The following MACROD2 variants were observed in gnomAD, a reference collection of about 807,000 sequenced individuals.
MACROD2 encodes the protein mono-ADP ribosylhydrolase 2, also known as ADP-ribose glycohydrolase MACROD2.
Under a neutral mutation model 70.4 loss-of-function variants are expected in MACROD2, and 36 were observed. The observed-to-expected ratio is 0.51, with a 90% CI of 0.39 to 0.68. The LOEUF (loss-of-function observed/expected upper bound fraction) is 0.68, where lower values mean the gene tolerates loss of function less well. Ranked by LOEUF, MACROD2 falls within the 30% of genes least tolerant of loss-of-function variation. The probability of loss-of-function intolerance (pLI) is 0.00; values close to 1 mark genes in which losing one functional copy is unlikely to be tolerated. For synonymous variants in MACROD2, 172 were observed against 178.8 expected, an observed-to-expected ratio of 0.96 and a Z score of 0.30; for missense variants, 496 against 538.4, an observed-to-expected ratio of 0.92 and a Z score of 0.78.
chr20:14,539,260 G>A (rs2085402789), intron 4 of MACROD2, among the ~76,000 whole-genome samples: 2 of 152,138 alleles, frequency 1.3e-5, no homozygotes, highest in Middle Eastern at 3.2e-3. Flanking sequence ...AAAAGGCATA[G>A]CAGTTGTTTC....
chr20:14,864,953 G>A (rs190364751), intron 5 of MACROD2, among the ~76,000 whole-genome samples: 47 of 152,200 alleles, frequency 3.1e-4, no homozygotes, highest in African/African-American at 1.1e-3. Context: ...TGACTCCAGA[G>A]TCACATAATA....
chr20:14,066,511 CAGAGT>C (rs1410504534), intron 2 of MACROD2, among the ~76,000 whole-genome samples: 4 of 152,074 alleles, frequency 2.6e-5, no homozygotes, highest in Non-Finnish European at 2.9e-5. Flanking sequence ...ATTTTTGTGT[CAGAGT>C]AGAGACAAAC....
At chr20:14,250,327 C>T (rs541544379) in intron 3 of MACROD2, among the ~76,000 whole-genome samples, 5 of 152,128 alleles carry the variant, frequency 3.3e-5, no homozygotes, top group African/African-American at 1.2e-4. Flanking sequence ...CACCTCCCCA[C>T]CCCCAGCCTG....
Position 15,583,070 on chromosome 20 carries a change from G to T in MACROD2, c.645+83223G>T, listed in dbSNP as rs934737396. On this transcript the variant is annotated intron_variant, in intron 8 of 17. Coordinates refer to ENST00000684519, the MANE Select transcript of MACROD2 (RefSeq NM_001351661.2). ...GAGAAAAAAAAAATAAGTGCAGTGT[G>T]GTCTACCGGTTTGTGTCGATGCTAT... Among the ~76,000 whole-genome samples the T allele has an allele frequency of 9.2e-5, 14 of 152,016 alleles. No homozygotes were observed. In the East Asian group the frequency reaches 1.2e-3, roughly 13 times the overall value.
At chr20:15,338,801 A>G (rs1265841960) in intron 6 of MACROD2, among the ~76,000 whole-genome samples, 2 of 151,766 alleles carry the variant, frequency 1.3e-5, no homozygotes, top group Non-Finnish European at 2.9e-5. Context: ...GGTGCATTAT[A>G]CAAGTAGGTA....
chr20:15,815,144 G>C (rs1385496688), intron 8 of MACROD2, among the ~76,000 whole-genome samples: 2 of 152,190 alleles, frequency 1.3e-5, no homozygotes, highest in African/African-American at 2.4e-5. Flanking sequence ...TTGGCTTCAA[G>C]TGCTGGACAT....
chr20:15,235,605 G>A (rs892436509), intron 6 of MACROD2, among the ~76,000 whole-genome samples: 7 of 152,198 alleles, frequency 4.6e-5, no homozygotes, highest in South Asian at 2.1e-4. Context: ...ATTTTAAGGC[G>A]TAGTCAAGTG....
At chr20:14,062,956 T>G (rs2053707228) in intron 2 of MACROD2, among the ~76,000 whole-genome samples, 1 of 152,200 alleles carries the variant, frequency 6.6e-6, no homozygotes, top group Non-Finnish European at 1.5e-5. Context: ...AAGCCACATT[T>G]GTTTGTTTTT....
chr20:14,563,711 C>A (rs1979591784), intron 4 of MACROD2, among the ~76,000 whole-genome samples: 1 of 151,790 alleles, frequency 6.6e-6, no homozygotes, highest in African/African-American at 2.4e-5. Context: ...AGTTCTATTT[C>A]TTTTCAAATA....
At chr20:15,787,527 A>G (rs1330515817) in intron 8 of MACROD2, among the ~76,000 whole-genome samples, 2 of 151,922 alleles carry the variant, frequency 1.3e-5, no homozygotes, top group Non-Finnish European at 2.9e-5. Flanking sequence ...TGTGTACCCA[A>G]TGTTTAGCTC....
At chr20:14,028,946 G>A (rs2148630333) in intron 2 of MACROD2, among the ~76,000 whole-genome samples, 1 of 152,326 alleles carries the variant, frequency 6.6e-6, no homozygotes, top group Middle Eastern at 3.4e-3. Context: ...AGTTAGGAAA[G>A]TTGATGATAT....
chr20:14,230,669 C>CCATATATATA lies in MACROD2; in HGVS notation c.271+144941_271+144942insCATATATATA, dbSNP rs1388842581. Among the ~76,000 whole-genome samples, 109 of 92,900 alleles carry CCATATATATA rather than the reference C, an allele frequency of 1.2e-3. 12 individuals carry two copies. In the South Asian group the frequency reaches 0.014, roughly 12 times the overall value. The allele number at this position is 92,900 out of a possible 152,430, so 60.9% of individuals were successfully genotyped here. A position where few individuals can be genotyped will look rare whatever the true frequency, so the allele number is the denominator to read the frequency against. On this transcript the variant is annotated intron_variant, in intron 3 of 17. Transcript: ENST00000684519. ...TATATATATATAACACAGGCTGGGC[C>CCATATATATA]TATATATATATATATATATATATAT... is the stretch of plus-strand genomic sequence containing the variant.
At chr20:15,153,976 C>T (rs1338659059) in intron 5 of MACROD2, among the ~76,000 whole-genome samples, 1 of 152,060 alleles carries the variant, frequency 6.6e-6, no homozygotes, top group Non-Finnish European at 1.5e-5. Flanking sequence ...ATAATGACAC[C>T]CTTGCTGTTT....
At chr20:15,457,075 T>A (rs368616910) in intron 7 of MACROD2, among the ~76,000 whole-genome samples, 4,768 of 90,600 alleles carry the variant, frequency 0.053, 212 homozygotes, top group African/African-American at 0.15. Context: ...TTTTTTTTTT[T>A]AAAAAAAAAG....
intron 4 of MACROD2, among the ~76,000 whole-genome samples, chr20:14,650,961 A>C (rs2123510117): frequency 6.6e-6 from 1 of 152,338 alleles, no homozygotes; most frequent in African/African-American, 2.4e-5. Context: ...TATATACATA[A>C]TGTGGAAACA....
intron 2 of MACROD2, among the ~76,000 whole-genome samples, chr20:14,058,101 T>C (rs973598075): frequency 2.1e-4 from 32 of 152,126 alleles, no homozygotes; most frequent in African/African-American, 7.2e-4. Flanking sequence ...TAGGTATTAG[T>C]AGTGTTCCTT....
intron 6 of MACROD2, among the ~76,000 whole-genome samples, chr20:15,365,174 G>A (rs1209979880): frequency 1.3e-5 from 2 of 151,326 alleles, no homozygotes; most frequent in African/African-American, 2.5e-5. Context: ...TTGGGGCGGG[G>A]CGGGGGTCAG....
intron 3 of MACROD2, among the ~76,000 whole-genome samples, chr20:14,343,369 A>G (rs116769304): frequency 0.016 from 2,454 of 152,262 alleles, 63 homozygotes; most frequent in African/African-American, 0.056. Flanking sequence ...TTTGAGCCTT[A>G]GTTCCTTTAT....
chr20:15,322,979 C>T (rs1395372716), intron 6 of MACROD2, among the ~76,000 whole-genome samples: 1 of 143,660 alleles, frequency 7.0e-6, no homozygotes. Flanking sequence ...TCAGTGAGCC[C>T]TGTGGTTGTG....
Sources: allele counts gnomAD v4.1 joint callset (sites outside exome capture counted in the v4.1 genomes callset), GRCh38; gene constraint gnomAD v4.1.1; transcripts MANE v1.5; gene names NCBI Gene and HGNC (gene_info 2026-07-23, HGNC 2026-07-21).